The following PID1 variants were observed in gnomAD, a reference collection of about 807,000 sequenced individuals.
PID1 encodes the protein PTB-containing, cubilin and LRP1-interacting protein.
In PID1, 10 loss-of-function variants were observed where a neutral mutation model predicts 19.1. That is an observed-to-expected ratio of 0.52 (90% CI 0.32 to 0.89). The LOEUF is 0.89. PID1 is among the 40% of genes least tolerant of loss of function. PID1 has a pLI of 0.03. For synonymous variants in PID1, 130 were observed against 116.0 expected (o/e 1.12, Z -0.78); for missense variants, 248 against 285.3 (o/e 0.87, Z 0.94).
At chr2:229,258,402 G>C (rs142867800) in intron 1 of PID1, among the ~76,000 whole-genome samples, 53 of 152,282 alleles carry the variant, frequency 3.5e-4, no homozygotes, top group African/African-American at 1.0e-3. Context: ...AAAAATTATA[G>C]AGTTCATTAT....
rs958467213 is a variant in PID1, at chr2:229,128,045, C to CTG, written c.177+27771_177+27772dup. On this transcript the variant is annotated intron_variant, in intron 2 of 2. Coordinates refer to ENST00000392055, the MANE Select transcript of PID1 (RefSeq NM_001100818.2). ...CTTTGTGTGCAGGGAGATGGCAGGG[C>CTG]TGTGTGTGTCTCCCATTCCCCCAGG... is the stretch of plus-strand genomic sequence containing the variant. Among the ~76,000 whole-genome samples the CTG allele has an allele frequency of 2.4e-4, 37 of 152,232 alleles. 1 individual carries two copies. The highest frequency in any genetic ancestry group is 8.2e-4 in the African/African-American group (34 of 41,544).
At chr2:229,126,043 C>T (rs1695616328) in intron 2 of PID1, among the ~76,000 whole-genome samples, 1 of 152,104 alleles carries the variant, frequency 6.6e-6, no homozygotes, top group Non-Finnish European at 1.5e-5. Context: ...GTTATACAGC[C>T]TAATTTCTCC....
At chr2:229,065,823 T>G in intron 2 of PID1, among the ~76,000 whole-genome samples, 1 of 152,016 alleles carries the variant, frequency 6.6e-6, no homozygotes, top group Admixed American at 6.6e-5. Flanking sequence ...ACATAGTCTA[T>G]TGCAACACAT....
chr2:229,236,317 G>C (rs1689672279), intron 1 of PID1: 1 of 152,084 alleles, frequency 6.6e-6, no homozygotes, highest in African/African-American at 2.4e-5. Context: ...GAGGAACAGG[G>C]GCCACCTCAC....
At chr2:229,221,872 T>C (rs943355032) in intron 1 of PID1, among the ~76,000 whole-genome samples, 7 of 152,170 alleles carry the variant, frequency 4.6e-5, no homozygotes, top group African/African-American at 1.7e-4. Context: ...CCCTCCTTCC[T>C]TTCCCACATG....
intron 1 of PID1, among the ~76,000 whole-genome samples, chr2:229,180,461 A>G (rs1368602119): frequency 6.6e-6 from 1 of 152,214 alleles, no homozygotes; most frequent in African/African-American, 2.4e-5. Flanking sequence ...TAACTAAGAA[A>G]AAGATTTCAA....
intron 1 of PID1, among the ~76,000 whole-genome samples, chr2:229,192,312 C>T (rs970799723): frequency 6.6e-6 from 1 of 152,056 alleles, no homozygotes; most frequent in Non-Finnish European, 1.5e-5. Flanking sequence ...CCTACACTTT[C>T]TAGTATGACT....
chr2:229,026,210 G>A, intron 2 of PID1, 102 bp from the exon 3 acceptor site: 2 of 790,474 alleles, frequency 2.5e-6, no homozygotes, highest in Non-Finnish European at 4.2e-6. Flanking sequence ...GTGTCACATT[G>A]GGAAGGTGAA....
At chr2:229,057,336 C>T (rs1427418362) in intron 2 of PID1, among the ~76,000 whole-genome samples, 1 of 151,648 alleles carries the variant, frequency 6.6e-6, no homozygotes, top group Admixed American at 6.6e-5. Flanking sequence ...ACTCAGGAGG[C>T]TGAGGTGGGA....
chr2:229,208,139 T>C (rs1691648548), intron 1 of PID1, among the ~76,000 whole-genome samples: 1 of 152,206 alleles, frequency 6.6e-6, no homozygotes, highest in Admixed American at 6.5e-5. Flanking sequence ...TGACTCTTCC[T>C]ACCAGGTCAA....
chr2:229,139,032 A>AAAGAAAGAAAGCAAGCAAGC (rs1689928255), intron 2 of PID1, among the ~76,000 whole-genome samples: 1 of 76,408 alleles, frequency 1.3e-5, no homozygotes, highest in Non-Finnish European at 2.9e-5. Flanking sequence ...AGAAAGAAAG[A>AAAGAAAGAAAGCAAGCAAGC]AAGAAAGAGA....
rs1293626727 is a variant in PID1 at position 229,139,146 on chromosome 2, A to AAAGAAAGAAAGAAAGAAAGCAAGC, written c.177+16671_177+16672insGCTTGCTTTCTTTCTTTCTTTCTT. Among the ~76,000 whole-genome samples the AAAGAAAGAAAGAAAGAAAGCAAGC allele has an allele frequency of 7.3e-5, 8 of 108,966 alleles. 1 individual carries two copies. The highest frequency in any genetic ancestry group is 2.2e-4 in the African/African-American group (6 of 27,170). The allele number at this position is 108,966 out of a possible 152,430, so 71.5% of individuals were successfully genotyped here. A position where few individuals can be genotyped will look rare whatever the true frequency, so the allele number is the denominator to read the frequency against. ...GAAAGAAAGAAAGAAAGAAAGAAAGAAAGCAAGCGAGCGAGCAAGCGAGCT... is the reference window on the plus strand; with the variant it reads ...GAAAGAAAGAAAGAAAGAAAGAAAGAAAGAAAGAAAGAAAGAAAGCAAGCAAGCAAGCGAGCGAGCAAGCGAGCT... On this transcript the variant is annotated intron_variant, in intron 2 of 2. Transcript: ENST00000392055.
chr2:229,182,853 C>T (rs1423087438), intron 1 of PID1, among the ~76,000 whole-genome samples: 5 of 152,238 alleles, frequency 3.3e-5, no homozygotes, highest in Admixed American at 6.5e-5. Context: ...CCTTAACCCC[C>T]AAGTGGGCAG....
chr2:229,252,913 G>T (rs757007247), intron 1 of PID1, among the ~76,000 whole-genome samples: 12 of 152,326 alleles, frequency 7.9e-5, no homozygotes, highest in Middle Eastern at 3.4e-3. Flanking sequence ...GGTAGGGGGT[G>T]CCAAGCTAAC....
intron 2 of PID1, among the ~76,000 whole-genome samples, chr2:229,142,559 C>A (rs62190386): frequency 0.22 from 32,765 of 151,920 alleles, 3,980 homozygotes; most frequent in South Asian, 0.48. Context: ...TTTTCCTAAG[C>A]AAATTTATTT....
intron 2 of PID1, among the ~76,000 whole-genome samples, chr2:229,065,524 C>T (rs1694305491): frequency 6.6e-6 from 1 of 151,970 alleles, no homozygotes; most frequent in Non-Finnish European, 1.5e-5. Flanking sequence ...ACTCTCACAT[C>T]AAAGTAAAGT....
chr2:229,238,273 A>G (rs901580917), intron 1 of PID1, among the ~76,000 whole-genome samples: 3 of 152,172 alleles, frequency 2.0e-5, no homozygotes, highest in African/African-American at 7.2e-5. Flanking sequence ...AGTGGGATAA[A>G]GACTTCATTC....
intron 2 of PID1, among the ~76,000 whole-genome samples, chr2:229,142,956 G>A (rs112879421): frequency 0.2 from 29,075 of 145,738 alleles, 3,133 homozygotes; most frequent in East Asian, 0.45. Flanking sequence ...CAAATGTCCA[G>A]CAATGATAGA....
At chr2:229,128,552 C>T (rs1689636488) in intron 2 of PID1, among the ~76,000 whole-genome samples, 3 of 152,046 alleles carry the variant, frequency 2.0e-5, no homozygotes, top group South Asian at 4.1e-4. Flanking sequence ...CACCAGATAA[C>T]AACACTTGAA....
Sources: allele counts gnomAD v4.1 joint callset (sites outside exome capture counted in the v4.1 genomes callset), GRCh38; gene constraint gnomAD v4.1.1; transcripts MANE v1.5; gene names NCBI Gene and HGNC (gene_info 2026-07-23, HGNC 2026-07-21).